Variants in RAB44 observed in about 807,000 individuals in gnomAD.
RAB44 encodes the protein RAB44, member RAS oncogene family.
A neutral mutation model predicts 93.3 loss-of-function variants in RAB44; 67 were observed. The observed-to-expected ratio is 0.72, with a 90% CI of 0.59 to 0.88. The LOEUF (loss-of-function observed/expected upper bound fraction) is 0.88, where lower values mean the gene tolerates loss of function less well. Ranked by LOEUF, RAB44 falls within the 40% of genes least tolerant of loss-of-function variation. The pLI, the probability that RAB44 is intolerant of heterozygous loss-of-function variation, is 0.00. For synonymous variants in RAB44, 427 were observed against 520.3 expected, an observed-to-expected ratio of 0.82 and a Z score of 2.44; for missense variants, 1,064 against 1,261.7, an observed-to-expected ratio of 0.84 and a Z score of 2.37.
At chr6:36,699,052 G>A (rs550554227) in intron 1 of RAB44, among the ~76,000 whole-genome samples, 23 of 152,236 alleles carry the variant, frequency 1.5e-4, no homozygotes, top group African/African-American at 5.1e-4. Flanking sequence ...CCCACCTGAT[G>A]GTGACAAGTG....
Position 36,720,433 on chromosome 6 carries a change from A to G in RAB44, c.899A>G (p.Glu300Gly). 6 of 1,232,696 alleles carry G rather than the reference A, an allele frequency of 4.9e-6. No homozygotes were observed. The highest frequency in any genetic ancestry group is 6.1e-6 in the Non-Finnish European group (6 of 988,250). 76.4% of individuals were successfully genotyped at this position (1,232,696 alleles called of 1,614,324 possible). Residue 300 changes from glutamate to glycine, a missense_variant, in exon 8 of 14, where the codon GAG becomes GGG. Glu to Gly is a moderately conservative substitution (Grantham distance 98). Coordinates refer to ENST00000612677, the MANE Select transcript of RAB44 (RefSeq NM_001257357.2). ...EAASENQQLQ[E>G]AKRDLAGRLE... ...GCCTCAGAGAACCAGCAGCTGCAGG[A>G]GGCCAAGCGTGACCTGGCTGGGCGG...
intron 3 of RAB44, among the ~76,000 whole-genome samples, chr6:36,715,210 T>C (rs1460060684): frequency 6.6e-6 from 1 of 152,148 alleles, no homozygotes; most frequent in Non-Finnish European, 1.5e-5. Context: ...ATTGATTGAG[T>C]GCATGAAGAA....
rs1352822800 is a variant in RAB44, at chr6:36,722,376, A to C, written c.2242A>C (p.Arg748=). 1 of 1,369,598 alleles carries C rather than the reference A, an allele frequency of 7.3e-7. No individual in the cohort carries two copies. Among genetic ancestry groups the C allele is most frequent in the Non-Finnish European group, 9.4e-7 (1 of 1,063,204 alleles). 84.8% of individuals were successfully genotyped at this position (1,369,598 alleles called of 1,614,324 possible). The change falls in exon 9 of 14, where the codon AGG becomes CGG. Residue 748 remains arginine (R), a synonymous_variant. Coordinates refer to ENST00000612677, the MANE Select transcript of RAB44 (RefSeq NM_001257357.2). ...GGCACCTCCAAGGGGCTCTCCTCCC[A>C]GGGGGGCTCAGCCTGGGGCTGGAGC... ...KSAPPRGSPP[R]GAQPGAGAGP...
rs1436898649 is a variant in RAB44 at position 36,722,204 on chromosome 6, T to TTCAGAGCAG, written c.2082_2090dup (p.Glu695_Ser697dup). The TTCAGAGCAG allele has an allele frequency of 4.3e-5, 53 of 1,247,002 alleles. No homozygotes were observed. In the Middle Eastern group the frequency reaches 8.2e-4, roughly 19 times the overall value. 77.2% of individuals were successfully genotyped at this position (1,247,002 alleles called of 1,614,324 possible). On this transcript the variant is annotated inframe_insertion, in exon 9 of 14. Coordinates refer to ENST00000612677, the MANE Select transcript of RAB44 (RefSeq NM_001257357.2). ...AGGGCAGAGGTGGGCAGGACCTCAG[T>TTCAGAGCAG]TCAGAGCAGTCAGAGCAGTCGGTTG... is the stretch of plus-strand genomic sequence containing the variant.
intron 2 of RAB44, 87 bp downstream of exon 2, chr6:36,704,529 T>A: frequency 9.1e-6 from 11 of 1,208,682 alleles, no homozygotes; most frequent in Non-Finnish European, 1.3e-5. Context: ...AGGCAGGGCT[T>A]GCTACCCCTG....
In RAB44 at chr6:36,721,185, C is replaced by T. The variant is rs905658916; in HGVS notation, c.1051C>T (p.Gln351Ter). 78 of 1,233,516 alleles carry T rather than the reference C, an allele frequency of 6.3e-5. No homozygotes were observed. The highest frequency in any genetic ancestry group is 7.4e-5 in the Non-Finnish European group (73 of 987,978). 76.4% of individuals were successfully genotyped at this position (1,233,516 alleles called of 1,614,324 possible). The change falls in exon 9 of 14, where the codon CAG becomes TAG. Residue 351 changes from glutamine to a stop codon, truncating the protein, a stop_gained. Coordinates refer to ENST00000612677, the MANE Select transcript of RAB44 (RefSeq NM_001257357.2). LOFTEE classifies it high-confidence loss of function. ...PGAGEKTPDP[Q>*]AASPEEAPLP... ...AGCGGGTGAGAAGACCCCAGACCCTCAGGCTGCCTCCCCTGAGGAGGCCCC... is the reference window on the plus strand; with the variant it reads ...AGCGGGTGAGAAGACCCCAGACCCTTAGGCTGCCTCCCCTGAGGAGGCCCC...
intron 9 of RAB44, 119 bp downstream of exon 9, chr6:36,722,852 C>T (rs962375498): frequency 2.4e-5 from 28 of 1,163,392 alleles, no homozygotes; most frequent in Non-Finnish European, 2.8e-5. Context: ...GCCCTGGCCA[C>T]GGGCCCTGCA....
chr6:36,727,722 GTCCCTC>G, intron 11 of RAB44, 31 bp downstream of exon 11: 2 of 1,399,524 alleles, frequency 1.4e-6, no homozygotes, highest in Non-Finnish European at 2.0e-6. Flanking sequence ...GTTGGCCCCA[GTCCCTC>G]CAGTCAAGAG....
At chr6:36,702,731 G>A (rs1762544447) in intron 1 of RAB44, among the ~76,000 whole-genome samples, 1 of 152,156 alleles carries the variant, frequency 6.6e-6, no homozygotes, top group African/African-American at 2.4e-5. Flanking sequence ...ATAGCTTTAT[G>A]GGCCCCAGAC....
intron 9 of RAB44, among the ~76,000 whole-genome samples, chr6:36,724,621 C>A (rs542190262): frequency 6.6e-6 from 1 of 151,990 alleles, no homozygotes; most frequent in Non-Finnish European, 1.5e-5. Flanking sequence ...AAGAAAAACA[C>A]AGCTGCATAA....
chr6:36,699,262 T>C (rs1762456055), intron 1 of RAB44, among the ~76,000 whole-genome samples: 1 of 152,024 alleles, frequency 6.6e-6, no homozygotes, highest in African/African-American at 2.4e-5. Flanking sequence ...CTGCTGGAAA[T>C]GGGCTGTGGA....
rs149799459 is a variant in RAB44 at position 36,717,727 on chromosome 6, G to T, written c.642-301G>T. ...AGTTGGGTTATAAGGGCAGGAGGAC[G>T]GTGAAAGAGGGAGTGGGGACTGAGT... is the stretch of plus-strand genomic sequence containing the variant. On this transcript the variant is annotated intron_variant, in intron 5 of 13. Transcript: ENST00000612677. This position sits in a 1 kb window ranked among gnomAD's most constrained non-coding sequence, Gnocchi z 4.1. Among the ~76,000 whole-genome samples, 9 of 152,296 alleles carry T rather than the reference G, an allele frequency of 5.9e-5. No individual in the cohort carries two copies. In the South Asian group the frequency reaches 1.9e-3, roughly 32 times the overall value.
intron 2 of RAB44, among the ~76,000 whole-genome samples, chr6:36,705,534 T>C (rs1230965920): frequency 6.6e-6 from 1 of 151,800 alleles, no homozygotes; most frequent in East Asian, 1.9e-4. Flanking sequence ...CTGCACCCAC[T>C]ACCACGCCTG....
intron 2 of RAB44, among the ~76,000 whole-genome samples, chr6:36,705,030 G>A (rs1027297756): frequency 6.7e-6 from 1 of 149,828 alleles, no homozygotes; most frequent in African/African-American, 2.5e-5. Context: ...TGAAGCATGA[G>A]AATTGCTTGA....
chr6:36,699,111 C>G (rs1413351804), intron 1 of RAB44, among the ~76,000 whole-genome samples: 2 of 152,042 alleles, frequency 1.3e-5, no homozygotes, highest in Non-Finnish European at 2.9e-5. Flanking sequence ...GCCTTCCTGC[C>G]CCAGGCCACC....
At chr6:36,715,285 G>A (rs1329039953) in intron 3 of RAB44, among the ~76,000 whole-genome samples, 194 bp from the exon 4 acceptor site, 1 of 152,098 alleles carries the variant, frequency 6.6e-6, no homozygotes, top group African/African-American at 2.4e-5. Context: ...CTGGGCCTCA[G>A]GTACTCATCT....
intron 2 of RAB44, among the ~76,000 whole-genome samples, chr6:36,705,727 A>G (rs1762634005): frequency 2.6e-5 from 4 of 152,082 alleles, no homozygotes; most frequent in Admixed American, 2.6e-4. Flanking sequence ...AATTTTCTTG[A>G]TGTATAAAAG....
Position 36,722,569 on chromosome 6 carries a change from G to C in RAB44, c.2435G>C (p.Gly812Ala). The change falls in exon 9 of 14, where the codon GGG (glycine) becomes GCG (alanine). Residue 812 changes from glycine (G) to alanine (A), a missense_variant. Coordinates refer to ENST00000612677, the MANE Select transcript of RAB44 (RefSeq NM_001257357.2). ...CCAGGAATGGACTCCAGGGAAGCTG[G>C]GCTGACCCCATCCCCGGGAGACCCC... is the stretch of plus-strand genomic sequence containing the variant. ...EDPGMDSREA[G>A]LTPSPGDPMA... 1 of 1,550,038 alleles carries C rather than the reference G, an allele frequency of 6.5e-7. No individual in the cohort carries two copies. The highest frequency in any genetic ancestry group is 1.2e-5 in the South Asian group (1 of 84,024).
chr6:36,725,339 T>C (rs1052593812), intron 9 of RAB44, among the ~76,000 whole-genome samples: 3 of 152,216 alleles, frequency 2.0e-5, no homozygotes, highest in Non-Finnish European at 2.9e-5. Flanking sequence ...CCACGCCTTT[T>C]AAAACAGCAT....
Sources: allele counts gnomAD v4.1 joint callset (sites outside exome capture counted in the v4.1 genomes callset), GRCh38; gene constraint gnomAD v4.1.1; non-coding constraint Gnocchi (gnomAD v3.1); transcripts MANE v1.5; gene names NCBI Gene and HGNC (gene_info 2026-07-23, HGNC 2026-07-21).